PHACTR1: variants seen among roughly 807,000 people sequenced by gnomAD.
PHACTR1 encodes phosphatase and actin regulator 1, also known as RPEL repeat containing 1.
Under a neutral mutation model 69.2 loss-of-function variants are expected in PHACTR1, and 16 were observed. The observed-to-expected ratio is 0.23, with a 90% CI of 0.16 to 0.35. The LOEUF (loss-of-function observed/expected upper bound fraction) is 0.35, where lower values mean the gene tolerates loss of function less well. PHACTR1 is among the 10% of genes least tolerant of loss of function. PHACTR1 has a pLI of 1.00. For missense variants in PHACTR1, 510 were observed against 734.7 expected (o/e 0.69, Z 3.54); for synonymous variants, 312 against 284.5 (o/e 1.10, Z -0.97).
chr6:12,841,684 G>A (rs1778715734), intron 4 of PHACTR1, among the ~76,000 whole-genome samples: 1 of 152,092 alleles, frequency 6.6e-6, no homozygotes, highest in Non-Finnish European at 1.5e-5. Flanking sequence ...TATCAAAAAG[G>A]GAGACTAGAA....
intron 5 of PHACTR1, among the ~76,000 whole-genome samples, chr6:13,081,739 A>T (rs777856191): frequency 6.6e-6 from 1 of 152,188 alleles, no homozygotes; most frequent in Non-Finnish European, 1.5e-5. Context: ...AAGCAGGAGG[A>T]TCACTTCAGC....
intron 5 of PHACTR1, among the ~76,000 whole-genome samples, chr6:13,153,898 T>G (rs1757807772): frequency 6.6e-6 from 1 of 152,242 alleles, no homozygotes; most frequent in Admixed American, 6.5e-5. Flanking sequence ...CTAAAGTTTA[T>G]TAATTTCTTA....
intron 4 of PHACTR1, among the ~76,000 whole-genome samples, chr6:12,939,029 T>C (rs1468283170): frequency 6.6e-6 from 1 of 152,168 alleles, no homozygotes; most frequent in Non-Finnish European, 1.5e-5. Context: ...CACATACAAA[T>C]CTTGGTATCA....
chr6:13,074,134 G>A (rs1051250088), intron 5 of PHACTR1, among the ~76,000 whole-genome samples: 1 of 152,138 alleles, frequency 6.6e-6, no homozygotes, highest in African/African-American at 2.4e-5. Flanking sequence ...GCCTTCCAAA[G>A]TGCTGGGATT....
chr6:13,196,355 C>T (rs1313771409), intron 7 of PHACTR1, among the ~76,000 whole-genome samples: 2 of 151,700 alleles, frequency 1.3e-5, no homozygotes, highest in Middle Eastern at 3.2e-3. Context: ...TAGATGTCTT[C>T]CTCAGGCAGT....
intron 3 of PHACTR1, among the ~76,000 whole-genome samples, chr6:12,728,692 T>G (rs971212144): frequency 5.9e-5 from 9 of 152,228 alleles, no homozygotes; most frequent in Non-Finnish European, 1.0e-4. Flanking sequence ...AACTGTGGTA[T>G]GATATATAAT....
At chr6:12,770,443 C>G (rs975416058) in intron 4 of PHACTR1, among the ~76,000 whole-genome samples, 3 of 152,134 alleles carry the variant, frequency 2.0e-5, no homozygotes, top group Non-Finnish European at 4.4e-5. Context: ...AGTGAGGGAT[C>G]TTTAGACAGG....
At chr6:13,152,828 G>T (rs112447899) in intron 5 of PHACTR1, among the ~76,000 whole-genome samples, 5,237 of 152,328 alleles carry the variant, frequency 0.034, 137 homozygotes, top group South Asian at 0.099. Context: ...GGCCACACAG[G>T]GGGAGGTATG....
intron 5 of PHACTR1, among the ~76,000 whole-genome samples, chr6:13,153,020 A>AC (rs1757659233): frequency 1.3e-5 from 2 of 152,112 alleles, no homozygotes; most frequent in Non-Finnish European, 2.9e-5. Flanking sequence ...AGCGACTGGG[A>AC]ATGTACTAGC....
intron 3 of PHACTR1, among the ~76,000 whole-genome samples, chr6:12,747,029 T>C (rs1238073063): frequency 6.6e-6 from 1 of 152,222 alleles, no homozygotes; most frequent in African/African-American, 2.4e-5. Flanking sequence ...TTAAAAGTAT[T>C]AACTTTCATA....
At chr6:13,128,563 T>C (rs1819913532) in intron 5 of PHACTR1, among the ~76,000 whole-genome samples, 1 of 151,842 alleles carries the variant, frequency 6.6e-6, no homozygotes, top group Admixed American at 6.6e-5. Flanking sequence ...TTTCTGAGCT[T>C]GAAGACAAGG....
At chr6:12,974,873 C>A (rs1794671956) in intron 4 of PHACTR1, among the ~76,000 whole-genome samples, 1 of 152,110 alleles carries the variant, frequency 6.6e-6, no homozygotes, top group Non-Finnish European at 1.5e-5. Flanking sequence ...AGCCACTGAC[C>A]ACTGTGTGAA....
At chr6:12,847,460 C>G (rs932102897) in intron 4 of PHACTR1, among the ~76,000 whole-genome samples, 11 of 152,136 alleles carry the variant, frequency 7.2e-5, no homozygotes, top group Admixed American at 6.5e-4. Context: ...ATCTTAAGCA[C>G]AGTGCTTCTC....
Position 13,177,935 on chromosome 6 carries a change from G to A in PHACTR1, c.497-4584G>A, listed in dbSNP as rs571973390. Among the ~76,000 whole-genome samples the A allele has an allele frequency of 6.6e-5, 10 of 152,328 alleles. No homozygotes were observed. The South Asian group carries it at 2.1e-3, about 32-fold the overall frequency. ...ATGATGCATGTTGTCATCAACAGGT[G>A]TTTGTCTATTGAATGAGTTTATTCA... On this transcript the variant is annotated intron_variant, in intron 6 of 14. Transcript: ENST00000332995.
intron 4 of PHACTR1, among the ~76,000 whole-genome samples, chr6:13,032,560 A>G (rs2127693708): frequency 6.6e-6 from 1 of 152,114 alleles, no homozygotes. Context: ...TTATATATTT[A>G]TGCGATATTT....
At chr6:13,049,231 G>C (rs1226435195) in intron 4 of PHACTR1, among the ~76,000 whole-genome samples, 2 of 149,212 alleles carry the variant, frequency 1.3e-5, no homozygotes, top group African/African-American at 2.5e-5. Flanking sequence ...ATGGAAAAGC[G>C]TTTCGGTTCT....
intron 4 of PHACTR1, among the ~76,000 whole-genome samples, chr6:12,894,161 T>A (rs974155314): frequency 6.6e-6 from 1 of 152,234 alleles, no homozygotes; most frequent in East Asian, 1.9e-4. Context: ...TCAAGTACTT[T>A]TTGAGACTCT....
intron 4 of PHACTR1, among the ~76,000 whole-genome samples, chr6:12,755,804 G>A (rs557497903): frequency 6.6e-6 from 1 of 152,182 alleles, no homozygotes; most frequent in Middle Eastern, 3.4e-3. Context: ...AATTAAACGG[G>A]TATGTAAGAT....
chr6:13,273,180 T>C, intron 11 of PHACTR1: 1 of 448,726 alleles, frequency 2.2e-6, no homozygotes, highest in East Asian at 3.7e-5. Flanking sequence ...AGAGAGAAGC[T>C]GAAAAATTAG....
Sources: allele counts gnomAD v4.1 joint callset (sites outside exome capture counted in the v4.1 genomes callset), GRCh38; gene constraint gnomAD v4.1.1; transcripts MANE v1.5; gene names NCBI Gene and HGNC (gene_info 2026-07-23, HGNC 2026-07-21).